The following HINT3 variants were observed in gnomAD, a reference collection of about 807,000 sequenced individuals.
The protein encoded by HINT3 is adenosine 5'-monophosphoramidase HINT3.
A neutral mutation model predicts 19.1 loss-of-function variants in HINT3; 16 were observed. That is an observed-to-expected ratio of 0.84 (90% CI 0.57 to 1.27). The LOEUF (loss-of-function observed/expected upper bound fraction) is 1.27, where lower values mean the gene tolerates loss of function less well. HINT3 is among the 50% of genes most tolerant of loss of function. The pLI, the probability that HINT3 is intolerant of heterozygous loss-of-function variation, is 0.00. For synonymous variants in HINT3, 75 were observed against 84.8 expected, an observed-to-expected ratio of 0.88 and a Z score of 0.63; for missense variants, 197 against 225.8, an observed-to-expected ratio of 0.87 and a Z score of 0.82.
rs775848205 is a variant in HINT3 at position 125,977,958 on chromosome 6, G to A, written c.*282G>A. On this transcript the variant is annotated 3_prime_UTR_variant, in exon 5 of 5. Coordinates refer to ENST00000229633, the MANE Select transcript of HINT3 (RefSeq NM_138571.5). ...AGACAAATTCTGTTAATCAACAAGG[G>A]CTCTGTATTTTTTTAAGTTAAAATA... 3.9e-5 allele frequency: 10 copies of A among 257,632 alleles called. No individual in the cohort carries two copies. The Middle Eastern group carries it at 4.6e-3, about 119-fold the overall frequency. 16.0% of individuals were successfully genotyped at this position (257,632 alleles called of 1,614,324 possible). A position where few individuals can be genotyped will look rare whatever the true frequency, so the allele number is the denominator to read the frequency against.
intron 1 of HINT3, among the ~76,000 whole-genome samples, chr6:125,963,677 T>C (rs1788977120): frequency 6.6e-6 from 1 of 152,234 alleles, no homozygotes; most frequent in African/African-American, 2.4e-5. Flanking sequence ...ATTCTTTTTA[T>C]ATGTAAAGCA....
At chr6:125,961,149 C>A (rs1165256293) in intron 1 of HINT3, among the ~76,000 whole-genome samples, 1 of 152,094 alleles carries the variant, frequency 6.6e-6, no homozygotes, top group Admixed American at 6.5e-5. Context: ...AGAAATAAGA[C>A]ATGATCAGTA....
At position 125,964,078 on chromosome 6, in the gene HINT3, A is replaced by G. The variant is rs191915841; in HGVS notation, c.202-2809A>G. On this transcript the variant is annotated intron_variant, in intron 1 of 4. Transcript: ENST00000229633. ...CAAAGATGAATATGGCATGCCCCACACTTGAGGAGCTTCCCTGTGATCCAA... is the reference window on the plus strand; with the variant it reads ...CAAAGATGAATATGGCATGCCCCACGCTTGAGGAGCTTCCCTGTGATCCAA... Among the ~76,000 whole-genome samples, 113 of 152,290 alleles carry G rather than the reference A, an allele frequency of 7.4e-4. 2 individuals are homozygous for G. Among genetic ancestry groups the G allele is most frequent in the African/African-American group, 2.4e-3 (100 of 41,564 alleles).
At position 125,958,936 on chromosome 6, in the gene HINT3, G is replaced by C. The variant is rs77325309; in HGVS notation, c.201+1758G>C. Among the ~76,000 whole-genome samples the C allele has an allele frequency of 1.0e-3, 156 of 152,304 alleles. 2 individuals carry two copies. The East Asian group carries it at 0.027, about 26-fold the overall frequency. On this transcript the variant is annotated intron_variant, in intron 1 of 4. Coordinates refer to ENST00000229633, the MANE Select transcript of HINT3 (RefSeq NM_138571.5). ...GATATAAGAGGATAAGGAAATGAAA[G>C]AGGGTGAAGTCAAAGATGATTTCCA...
At chr6:125,962,843 C>G (rs1788962784) in intron 1 of HINT3, among the ~76,000 whole-genome samples, 1 of 151,888 alleles carries the variant, frequency 6.6e-6, no homozygotes, top group South Asian at 2.1e-4. Context: ...CAATATCTTA[C>G]TTTTTCATGT....
chr6:125,967,636 TCTATGA>T (rs1236491780), intron 2 of HINT3, among the ~76,000 whole-genome samples: 2 of 152,136 alleles, frequency 1.3e-5, no homozygotes, highest in African/African-American at 4.8e-5. Context: ...CTGGCCTATT[TCTATGA>T]CTTTTTAAAT....
At chr6:125,976,432 T>C (rs1789179064) in intron 4 of HINT3, among the ~76,000 whole-genome samples, 1 of 150,332 alleles carries the variant, frequency 6.7e-6, no homozygotes, top group African/African-American at 2.4e-5. Flanking sequence ...AATTAAATAA[T>C]ATATAAGATA....
Position 125,978,387 on chromosome 6 carries a change from A to G in HINT3, c.*711A>G, listed in dbSNP as rs2128712435. The G allele has an allele frequency of 6.6e-6, 1 of 152,300 alleles. No homozygotes were observed. Among genetic ancestry groups the G allele is most frequent in the Non-Finnish European group, 1.5e-5 (1 of 68,000 alleles). The allele number at this position is 152,300 out of a possible 1,614,324, so 9.4% of individuals were successfully genotyped here. A position where few individuals can be genotyped will look rare whatever the true frequency, so the allele number is the denominator to read the frequency against. ...CTAATAACATAAAGGGGGAAGAAAC[A>G]TAAAGTGGTTCTCTTAATAAAACTA... On this transcript the variant is annotated 3_prime_UTR_variant, in exon 5 of 5. Transcript: ENST00000229633.
chr6:125,964,226 A>G (rs1407501631), intron 1 of HINT3, among the ~76,000 whole-genome samples: 2 of 152,178 alleles, frequency 1.3e-5, no homozygotes, highest in East Asian at 1.9e-4. Context: ...TGCTACCAAC[A>G]TGACATCCAG....
rs1236490877 is a variant in HINT3 at position 125,957,152 on chromosome 6, C to T, written c.175C>T (p.Pro59Ser). The T allele has an allele frequency of 1.3e-6, 2 of 1,549,764 alleles. No homozygotes were observed. The highest frequency in any genetic ancestry group is 2.0e-5 in the Admixed American group (1 of 50,980). Reference protein sequence around the residue: ...VFCRIAGRQDPGTELLHCENE... With the variant: ...VFCRIAGRQDSGTELLHCENE... The stretch of plus-strand genomic sequence containing the variant: ...CTGCCGGATCGCGGGGCGGCAGGAC[C>T]CGGGCACCGAACTCCTGCACTGCGA... The change falls in exon 1 of 5, where the codon CCG becomes TCG. Residue 59 changes from proline to serine, a missense_variant. Transcript: ENST00000229633.
At position 125,957,265 on chromosome 6, in the gene HINT3, G is replaced by T. The variant is rs1349817471; in HGVS notation, c.201+87G>T. The T allele has an allele frequency of 7.4e-6, 10 of 1,354,838 alleles. No individual in the cohort carries two copies. In the African/African-American group the frequency reaches 1.4e-4, roughly 20 times the overall value. 83.9% of individuals were successfully genotyped at this position (1,354,838 alleles called of 1,614,324 possible). A position where few individuals can be genotyped will look rare whatever the true frequency, so the allele number is the denominator to read the frequency against. On this transcript the variant is annotated intron_variant, in intron 1 of 4. Coordinates refer to ENST00000229633, the MANE Select transcript of HINT3 (RefSeq NM_138571.5). Reference sequence around the variant, plus strand: ...GGGAGGCCTCGCCGTTGTGGAGCGGGTGCAGAGGATCCCGATCGCTACTCA... The same window carrying T: ...GGGAGGCCTCGCCGTTGTGGAGCGGTTGCAGAGGATCCCGATCGCTACTCA...
intron 1 of HINT3, among the ~76,000 whole-genome samples, chr6:125,957,561 C>T (rs765556771): frequency 3.9e-5 from 6 of 152,224 alleles, no homozygotes; most frequent in Non-Finnish European, 7.3e-5. Flanking sequence ...TCTTCTCCAC[C>T]TTCAAGATAC....
intron 3 of HINT3, 74 bp downstream of exon 3, chr6:125,972,402 A>G (rs1336237300): frequency 5.5e-6 from 5 of 912,788 alleles, no homozygotes; most frequent in Non-Finnish European, 8.0e-6. Context: ...CTCCATGGAA[A>G]ATGGAAACAG....
intron 1 of HINT3, among the ~76,000 whole-genome samples, chr6:125,960,089 A>T (rs1484632936): frequency 6.6e-6 from 1 of 152,234 alleles, no homozygotes; most frequent in Non-Finnish European, 1.5e-5. Flanking sequence ...AGAAGGAGCA[A>T]TTATATGGTT....
intron 3 of HINT3, among the ~76,000 whole-genome samples, chr6:125,974,468 C>T (rs193029050): frequency 8.5e-4 from 130 of 152,194 alleles, no homozygotes; most frequent in African/African-American, 2.9e-3. Context: ...TAAAGGAACA[C>T]GACTACTTGA....
chr6:125,964,653 A>G (rs1161247279), intron 1 of HINT3, among the ~76,000 whole-genome samples: 1 of 152,070 alleles, frequency 6.6e-6, no homozygotes, highest in African/African-American at 2.4e-5. Context: ...AATTTATTAA[A>G]CCAGTCGCCC....
Position 125,962,257 on chromosome 6 carries a change from T to C in HINT3, c.202-4630T>C, listed in dbSNP as rs373507650. ...ATACACATATATATATATACACACA[T>C]ATATATATATATACATACATATATA... On this transcript the variant is annotated intron_variant, in intron 1 of 4. Transcript: ENST00000229633. Among the ~76,000 whole-genome samples, 81 of 21,284 alleles carry C rather than the reference T, an allele frequency of 3.8e-3. 6 individuals are homozygous for C. The South Asian group carries it at 0.052, about 14-fold the overall frequency. The allele number at this position is 21,284 out of a possible 152,430, so 14.0% of individuals were successfully genotyped here.
intron 1 of HINT3, among the ~76,000 whole-genome samples, chr6:125,960,433 C>A (rs577297120): frequency 6.6e-6 from 1 of 152,054 alleles, no homozygotes; most frequent in Non-Finnish European, 1.5e-5. Flanking sequence ...CTGAGGCAGG[C>A]GGATCACGAG....
rs1319981008 is a variant in HINT3 at position 125,977,432 on chromosome 6, A to C, written c.517-212A>C. The stretch of plus-strand genomic sequence containing the variant: ...TTTTCTTCTTGAAACTTGTTAATGA[A>C]TTTGCAATGTAGGCAACAATCTGCC... On this transcript the variant is annotated intron_variant, in intron 4 of 4. Transcript: ENST00000229633. 2.0e-5 allele frequency among the ~76,000 whole-genome samples: 3 copies of C among 152,114 alleles called. No individual in the cohort carries two copies. In the East Asian group the frequency reaches 5.8e-4, roughly 29 times the overall value.
Sources: gnomAD v4.1 joint callset for allele counts (sites outside exome capture counted in the v4.1 genomes callset) on GRCh38, gnomAD v4.1.1 for gene constraint, MANE v1.5 for transcripts, NCBI Gene and HGNC (gene_info 2026-07-23, HGNC 2026-07-21) for gene names.